The following CTNNA3 variants were observed in gnomAD, a reference collection of about 807,000 sequenced individuals.
The protein encoded by CTNNA3 is catenin alpha 3.
A neutral mutation model predicts 95.7 loss-of-function variants in CTNNA3; 76 were observed. The ratio of observed to expected loss-of-function variants is 0.79; its 90% confidence interval spans 0.66 to 0.96. The LOEUF is 0.96. Among genes scored for constraint, CTNNA3 ranks in the 40% least tolerant of loss-of-function variants. The probability of loss-of-function intolerance (pLI) is 0.00; values close to 1 mark genes in which losing one functional copy is unlikely to be tolerated. For synonymous variants in CTNNA3, 431 were observed against 374.4 expected (o/e 1.15, Z -1.74); for missense variants, 1,191 against 1,089.8 (o/e 1.09, Z -1.31).
At chr10:66,524,893 T>C (rs943874053) in intron 10 of CTNNA3, among the ~76,000 whole-genome samples, 104 of 151,708 alleles carry the variant, frequency 6.9e-4, no homozygotes, top group African/African-American at 2.1e-3. Context: ...CCACTGAAAA[T>C]ACAAAATTAG....
At position 66,479,978 on chromosome 10, in the gene CTNNA3, A is replaced by ACACC. The variant is rs1427904243; in HGVS notation, c.1531+40638_1531+40639insGGTG. Among the ~76,000 whole-genome samples, 908 of 151,448 alleles carry ACACC rather than the reference A, an allele frequency of 6.0e-3. 12 individuals carry two copies. The highest frequency in any genetic ancestry group is 0.02 in the African/African-American group (823 of 41,228). ...CACACACACACACACACACACACAC[A>ACACC]CCCCAGAACTTTCAACTCAGCCCAG... On this transcript the variant is annotated intron_variant, in intron 11 of 17. Coordinates refer to ENST00000433211, the MANE Select transcript of CTNNA3 (RefSeq NM_013266.4).
At chr10:67,062,070 C>G (rs1244200527) in intron 7 of CTNNA3, among the ~76,000 whole-genome samples, 1 of 152,050 alleles carries the variant, frequency 6.6e-6, no homozygotes, top group Non-Finnish European at 1.5e-5. Context: ...GTAATAATAT[C>G]TTTAAGAACT....
intron 4 of CTNNA3, among the ~76,000 whole-genome samples, chr10:67,538,157 TAA>T (rs1176919938): frequency 9.1e-4 from 54 of 59,188 alleles, no homozygotes; most frequent in African/African-American, 3.3e-3. Flanking sequence ...CTACTTAAAC[TAA>T]AAAAAAAAAA....
chr10:66,547,643 GA>G (rs1324975612), intron 10 of CTNNA3, among the ~76,000 whole-genome samples: 2 of 151,520 alleles, frequency 1.3e-5, no homozygotes, highest in Non-Finnish European at 2.9e-5. Flanking sequence ...CACCCAGCCT[GA>G]TTTTTCTATA....
chr10:66,168,837 G>A (rs1185380291), intron 13 of CTNNA3, among the ~76,000 whole-genome samples: 1 of 152,086 alleles, frequency 6.6e-6, no homozygotes, highest in Admixed American at 6.6e-5. Context: ...ATAAATATTT[G>A]TTGAATAATA....
At chr10:66,043,714 AT>A (rs2079757437) in intron 15 of CTNNA3, among the ~76,000 whole-genome samples, 2 of 152,082 alleles carry the variant, frequency 1.3e-5, no homozygotes, top group African/African-American at 4.8e-5. Context: ...AATCTGAGAG[AT>A]TATGTTTTCA....
intron 5 of CTNNA3, among the ~76,000 whole-genome samples, chr10:67,486,113 G>A (rs1848438976): frequency 1.3e-5 from 2 of 152,208 alleles, no homozygotes; most frequent in Admixed American, 6.5e-5. Context: ...AGTGTTGATT[G>A]ATGAGGCACA....
At chr10:67,750,707 G>A in intron 1 of CTNNA3, 2 of 1,569,084 alleles carry the variant, frequency 1.3e-6, no homozygotes, top group Non-Finnish European at 1.8e-6. Context: ...TTGGATGCCT[G>A]GGAGGCCATG....
chr10:67,446,706 G>A (rs1846762097), intron 5 of CTNNA3, among the ~76,000 whole-genome samples: 1 of 152,140 alleles, frequency 6.6e-6, no homozygotes, highest in South Asian at 2.1e-4. Flanking sequence ...AAACCTTGGA[G>A]CCATCTCTTT....
At chr10:67,642,907 G>C (rs1424030218) in intron 2 of CTNNA3, among the ~76,000 whole-genome samples, 1 of 151,620 alleles carries the variant, frequency 6.6e-6, no homozygotes, top group Non-Finnish European at 1.5e-5. Context: ...GTGGAAGACA[G>C]CGTGGCGATT....
At chr10:67,237,266 T>G (rs1038337766) in intron 5 of CTNNA3, among the ~76,000 whole-genome samples, 1 of 149,540 alleles carries the variant, frequency 6.7e-6, no homozygotes, top group African/African-American at 2.4e-5. Context: ...TTATTCTAAG[T>G]GAAGTAACTC....
At chr10:66,153,663 T>A (rs560883452) in intron 13 of CTNNA3, among the ~76,000 whole-genome samples, 2 of 152,032 alleles carry the variant, frequency 1.3e-5, no homozygotes, top group East Asian at 3.9e-4. Flanking sequence ...CCTGCAGTTA[T>A]CCCAGGCTCA....
chr10:66,442,361 T>C (rs1164818759), intron 11 of CTNNA3, among the ~76,000 whole-genome samples: 9 of 150,596 alleles, frequency 6.0e-5, no homozygotes, highest in Non-Finnish European at 1.2e-4. Flanking sequence ...GGTTTTTTTT[T>C]CCTAAAGTTC....
At chr10:67,044,763 A>T (rs1427503051) in intron 7 of CTNNA3, among the ~76,000 whole-genome samples, 1 of 152,222 alleles carries the variant, frequency 6.6e-6, no homozygotes, top group East Asian at 1.9e-4. Flanking sequence ...CTCAGCAAAA[A>T]GCATGATTCA....
At chr10:66,970,812 A>G (rs1390581894) in intron 7 of CTNNA3, among the ~76,000 whole-genome samples, 1 of 152,164 alleles carries the variant, frequency 6.6e-6, no homozygotes, top group Non-Finnish European at 1.5e-5. Flanking sequence ...GAGACAGTAT[A>G]TACATGGTAA....
intron 13 of CTNNA3, among the ~76,000 whole-genome samples, chr10:66,211,287 C>A (rs1157055363): frequency 1.3e-5 from 2 of 152,134 alleles, no homozygotes; most frequent in African/African-American, 4.8e-5. Context: ...TGAAATACTA[C>A]ATATGAGTAA....
chr10:67,718,846 G>C (rs1416622980), intron 1 of CTNNA3, among the ~76,000 whole-genome samples: 1 of 152,052 alleles, frequency 6.6e-6, no homozygotes, highest in Non-Finnish European at 1.5e-5. Context: ...GTGCCTCTTT[G>C]TCTATTGTTT....
intron 7 of CTNNA3, among the ~76,000 whole-genome samples, chr10:67,086,818 T>C (rs890769147): frequency 5.3e-5 from 8 of 152,020 alleles, no homozygotes; most frequent in South Asian, 2.1e-4. Context: ...TATGTTTGTT[T>C]GCTTTATAAT....
At chr10:67,342,424 G>A (rs1047003840) in intron 5 of CTNNA3, among the ~76,000 whole-genome samples, 1 of 152,082 alleles carries the variant, frequency 6.6e-6, no homozygotes, top group African/African-American at 2.4e-5. Context: ...CTTTAGCTGA[G>A]TGAATGATTT....
Sources: gnomAD v4.1 joint callset for allele counts (sites outside exome capture counted in the v4.1 genomes callset) on GRCh38, gnomAD v4.1.1 for gene constraint, MANE v1.5 for transcripts, NCBI Gene and HGNC (gene_info 2026-07-23, HGNC 2026-07-21) for gene names.